The following WWOX variants were observed in gnomAD, a reference collection of about 807,000 sequenced individuals.
WWOX encodes the protein WW domain containing oxidoreductase.
A neutral mutation model predicts 46.2 loss-of-function variants in WWOX; 69 were observed. The ratio of observed to expected loss-of-function variants is 1.49; its 90% confidence interval spans 1.23 to 1.82. WWOX has a LOEUF of 1.82. Ranked by LOEUF, WWOX falls within the 40% of genes most tolerant of loss-of-function variation. The probability of loss-of-function intolerance (pLI) is 0.00; values close to 1 mark genes in which losing one functional copy is unlikely to be tolerated. For synonymous variants in WWOX, 359 were observed against 202.6 expected (o/e 1.77, Z -6.56); for missense variants, 919 against 542.6 (o/e 1.69, Z -6.89).
chr16:78,943,364 C>T (rs550662934), intron 8 of WWOX, among the ~76,000 whole-genome samples: 27 of 152,290 alleles, frequency 1.8e-4, no homozygotes, highest in Non-Finnish European at 2.9e-4. Flanking sequence ...CACTCTTATT[C>T]ACTAACTGTT....
intron 6 of WWOX, among the ~76,000 whole-genome samples, chr16:78,404,407 C>A (rs903334243): frequency 6.6e-6 from 1 of 152,242 alleles, no homozygotes; most frequent in Middle Eastern, 3.4e-3. Context: ...ATTATTATGA[C>A]TTAATCCATT....
chr16:78,173,856 G>A (rs1053063080), intron 5 of WWOX, among the ~76,000 whole-genome samples: 2 of 152,130 alleles, frequency 1.3e-5, no homozygotes, highest in African/African-American at 4.8e-5. Context: ...AGTCCGAGAC[G>A]AGGGTGCCAA....
intron 8 of WWOX, among the ~76,000 whole-genome samples, chr16:78,560,123 A>C (rs1159908826): frequency 6.6e-6 from 1 of 152,192 alleles, no homozygotes; most frequent in East Asian, 1.9e-4. Flanking sequence ...ATTATATTAG[A>C]AAATATTCTA....
At chr16:78,819,028 T>G (rs1476706885) in intron 8 of WWOX, among the ~76,000 whole-genome samples, 1 of 152,004 alleles carries the variant, frequency 6.6e-6, no homozygotes, top group Non-Finnish European at 1.5e-5. Flanking sequence ...GTTGAGAAAA[T>G]TAAATGGAAA....
chr16:78,836,955 G>T (rs752505912), intron 8 of WWOX, among the ~76,000 whole-genome samples: 1 of 152,100 alleles, frequency 6.6e-6, no homozygotes. Context: ...AAGGTCAAGT[G>T]CAGCAGAAGA....
chr16:79,182,774 A>G (rs1373035764), intron 8 of WWOX, among the ~76,000 whole-genome samples: 1 of 152,148 alleles, frequency 6.6e-6, no homozygotes, highest in Non-Finnish European at 1.5e-5. Flanking sequence ...ATGAGTCACT[A>G]TTTCTGAGAC....
chr16:78,207,994 G>A, intron 5 of WWOX, among the ~76,000 whole-genome samples: 1 of 152,018 alleles, frequency 6.6e-6, no homozygotes, highest in South Asian at 2.1e-4. Context: ...TGTATTTTTA[G>A]TAGAGACAGG....
intron 4 of WWOX, among the ~76,000 whole-genome samples, chr16:78,136,874 G>C (rs2033809298): frequency 6.6e-6 from 1 of 152,144 alleles, no homozygotes; most frequent in Non-Finnish European, 1.5e-5. Flanking sequence ...AATTAGACAG[G>C]GTAATGGGTC....
intron 8 of WWOX, among the ~76,000 whole-genome samples, chr16:79,057,466 A>G (rs2048284013): frequency 6.6e-6 from 1 of 152,218 alleles, no homozygotes; most frequent in Non-Finnish European, 1.5e-5. Flanking sequence ...CCTTCTCATT[A>G]GAGTCTTTCT....
chr16:78,686,176 C>A (rs2047852951), intron 8 of WWOX, among the ~76,000 whole-genome samples: 1 of 152,132 alleles, frequency 6.6e-6, no homozygotes, highest in Non-Finnish European at 1.5e-5. Context: ...ATCTGGTTCT[C>A]AAAGTGTGGC....
At chr16:78,358,195 A>G (rs2081337448) in intron 5 of WWOX, among the ~76,000 whole-genome samples, 1 of 152,188 alleles carries the variant, frequency 6.6e-6, no homozygotes, top group Admixed American at 6.5e-5. Context: ...TCTCCTATCG[A>G]AAGATAACCT....
intron 8 of WWOX, among the ~76,000 whole-genome samples, chr16:78,987,611 G>C (rs1567462376): frequency 6.6e-6 from 1 of 152,114 alleles, no homozygotes; most frequent in Non-Finnish European, 1.5e-5. Flanking sequence ...TTTCCTCTAT[G>C]CTCCCTCATG....
At chr16:78,786,951 G>C (rs1381013473) in intron 8 of WWOX, among the ~76,000 whole-genome samples, 2 of 152,126 alleles carry the variant, frequency 1.3e-5, no homozygotes, top group Admixed American at 6.5e-5. Flanking sequence ...AGTTAGAGAT[G>C]AGCCTGGGCA....
intron 8 of WWOX, among the ~76,000 whole-genome samples, chr16:78,676,403 ATTT>A (rs4035810): frequency 1.2e-3 from 170 of 140,216 alleles, no homozygotes; most frequent in African/African-American, 3.9e-3. Context: ...CATATTTACT[ATTT>A]TTTTTTTTTT....
intron 8 of WWOX, among the ~76,000 whole-genome samples, chr16:78,818,307 C>T (rs571305962): frequency 6.6e-6 from 1 of 152,180 alleles, no homozygotes; most frequent in African/African-American, 2.4e-5. Flanking sequence ...GCTCCTGCCC[C>T]AGCCCTGCCA....
At chr16:79,145,695 C>A (rs1031773332) in intron 8 of WWOX, among the ~76,000 whole-genome samples, 4 of 152,038 alleles carry the variant, frequency 2.6e-5, no homozygotes, top group African/African-American at 9.6e-5. Context: ...TAATTATAAT[C>A]CTAGAGAAGC....
intron 8 of WWOX, among the ~76,000 whole-genome samples, chr16:78,977,255 T>C (rs1041675075): frequency 6.6e-6 from 1 of 152,260 alleles, no homozygotes; most frequent in Non-Finnish European, 1.5e-5. Flanking sequence ...CTGGGCCTGA[T>C]GGTGTTTGTC....
chr16:78,991,880 C>G (rs1034803372), intron 8 of WWOX, among the ~76,000 whole-genome samples: 3 of 152,068 alleles, frequency 2.0e-5, no homozygotes, highest in Non-Finnish European at 2.9e-5. Context: ...TGTGGTCTTG[C>G]GATCACCTCC....
chr16:79,161,135 T>C (rs2150749743), intron 8 of WWOX, among the ~76,000 whole-genome samples: 1 of 152,332 alleles, frequency 6.6e-6, no homozygotes, highest in African/African-American at 2.4e-5. Flanking sequence ...ATGGATTAGA[T>C]AAGGCAATTC....
Sources: allele counts gnomAD v4.1 joint callset (sites outside exome capture counted in the v4.1 genomes callset), GRCh38; gene constraint gnomAD v4.1.1; transcripts MANE v1.5; gene names NCBI Gene and HGNC (gene_info 2026-07-23, HGNC 2026-07-21).